The following TUFT1 variants were observed in gnomAD, a reference collection of about 807,000 sequenced individuals.
TUFT1 encodes the protein tuftelin.
In TUFT1, 43 loss-of-function variants were observed where a neutral mutation model predicts 57.8. That is an observed-to-expected ratio of 0.74 (90% CI 0.58 to 0.96). The LOEUF (loss-of-function observed/expected upper bound fraction) is 0.96. TUFT1 is among the 40% of genes least tolerant of loss of function. The pLI, the probability that TUFT1 is intolerant of heterozygous loss-of-function variation, is 0.00. For missense variants in TUFT1, 459 were observed against 489.0 expected, an observed-to-expected ratio of 0.94 and a Z score of 0.58; for synonymous variants, 166 against 176.7, an observed-to-expected ratio of 0.94 and a Z score of 0.48.
chr1:151,566,866 T>C (rs1488584103), intron 6 of TUFT1, among the ~76,000 whole-genome samples: 1 of 152,208 alleles, frequency 6.6e-6, no homozygotes, highest in African/African-American at 2.4e-5. Flanking sequence ...CCTCATTCTT[T>C]TGAATAACTA....
chr1:151,561,797 G>A (rs1665903759), intron 1 of TUFT1: 13 of 1,402,416 alleles, frequency 9.3e-6, no homozygotes, highest in Non-Finnish European at 1.2e-5. Flanking sequence ...CATGCAATGT[G>A]TTCCCTGTAG....
At chr1:151,551,648 G>A (rs970771773) in intron 1 of TUFT1, among the ~76,000 whole-genome samples, 1 of 152,182 alleles carries the variant, frequency 6.6e-6, no homozygotes, top group Non-Finnish European at 1.5e-5. Context: ...AGCACGTATT[G>A]CACTGGAAGA....
chr1:151,551,750 G>T (rs1187562389), intron 1 of TUFT1, among the ~76,000 whole-genome samples: 1 of 152,164 alleles, frequency 6.6e-6, no homozygotes, highest in Non-Finnish European at 1.5e-5. Flanking sequence ...TTGGGGTACT[G>T]GAGGGAGTCA....
intron 10 of TUFT1, among the ~76,000 whole-genome samples, chr1:151,579,199 A>G (rs967164306): frequency 6.6e-6 from 1 of 152,170 alleles, no homozygotes; most frequent in African/African-American, 2.4e-5. Flanking sequence ...TGAGGGTAGC[A>G]TACTTAGGAT....
chr1:151,551,431 A>C (rs1425298129), intron 1 of TUFT1, among the ~76,000 whole-genome samples: 3 of 152,148 alleles, frequency 2.0e-5, no homozygotes, highest in Admixed American at 1.3e-4. Flanking sequence ...GAGATGAATG[A>C]ATTGTTACAA....
intron 5 of TUFT1, chr1:151,565,891 C>T (rs1334759168): frequency 5.8e-6 from 2 of 347,254 alleles, no homozygotes; most frequent in South Asian, 3.2e-5. Flanking sequence ...TTCAAGGCCG[C>T]ATAACATCTC....
intron 6 of TUFT1, 21 bp downstream of exon 6, chr1:151,566,249 T>C (rs1262902918): frequency 6.2e-6 from 10 of 1,604,048 alleles, no homozygotes; most frequent in Non-Finnish European, 7.7e-6. Flanking sequence ...GAGGACACCA[T>C]GGTGGCTCCG....
At chr1:151,580,503 A>T (rs1666612200) in intron 11 of TUFT1, among the ~76,000 whole-genome samples, 1 of 151,798 alleles carries the variant, frequency 6.6e-6, no homozygotes, top group African/African-American at 2.4e-5. Flanking sequence ...AAAAAGAAAA[A>T]ATTTTTTTAA....
At position 151,562,590 on chromosome 1, in the gene TUFT1, C is replaced by T. The variant is rs1215729561; in HGVS notation, c.141C>T (p.Gly47=). 6 of 1,611,908 alleles carry T rather than the reference C, an allele frequency of 3.7e-6. No homozygotes were observed. The highest frequency in any genetic ancestry group is 5.1e-6 in the Non-Finnish European group (6 of 1,179,828). ...TCTCATCTCTCTTTGGCCAGGCGGG[C>T]AGGAAGACCTATGCCATGGTGTCCA... ...DELEHIAQKA[G]RKTYAMVSSH... The change falls in exon 3 of 13, where the codon GGC becomes GGT. Residue 47 remains glycine, a synonymous_variant. Transcript: ENST00000368849.
At position 151,578,831 on chromosome 1, in the gene TUFT1, G is replaced by T. The variant is rs779139810; in HGVS notation, c.924+5G>T. On this transcript the variant is annotated splice_donor_5th_base_variant and intron_variant, in intron 10 of 12. Transcript: ENST00000368849. ...GTCCGGCAAATGATAGAGCAGGTAA[G>T]TTGGGCTGGTTTGTAACCTGCCCTC... The T allele has an allele frequency of 1.0e-5, 16 of 1,556,010 alleles. No individual in the cohort carries two copies. Among genetic ancestry groups the T allele is most frequent in the African/African-American group, 1.4e-5 (1 of 73,502 alleles).
intron 2 of TUFT1, 29 bp from the exon 3 acceptor site, chr1:151,562,556 C>CTG: frequency 1.9e-6 from 3 of 1,562,310 alleles, no homozygotes; most frequent in African/African-American, 1.4e-5. Context: ...CTCTCTCTCT[C>CTG]TCTCTCTCTC....
chr1:151,541,857 G>A (rs1021365198), intron 1 of TUFT1, among the ~76,000 whole-genome samples: 3 of 152,186 alleles, frequency 2.0e-5, no homozygotes, highest in Admixed American at 6.5e-5. Flanking sequence ...TTGTTTTTAA[G>A]CGACGAGTGT....
At chr1:151,562,291 C>T (rs886123684) in intron 2 of TUFT1, 126 bp downstream of exon 2, 5 of 826,846 alleles carry the variant, frequency 6.0e-6, no homozygotes, top group Middle Eastern at 3.6e-4. Context: ...CTCCTTTCAG[C>T]AACATCCAGC....
Position 151,546,901 on chromosome 1 carries a change from G to A in TUFT1, c.60+6475G>A, listed in dbSNP as rs1164008105. 2.6e-5 allele frequency among the ~76,000 whole-genome samples: 4 copies of A among 152,152 alleles called. No homozygotes were observed. The East Asian group carries it at 7.7e-4, about 29-fold the overall frequency. On this transcript the variant is annotated intron_variant, in intron 1 of 12. Transcript: ENST00000368849. ...CTTGGAGAGGAATACCTAGGAGTGG[G>A]ATTGCTGGGTCAGAATATTTGCATT...
chr1:151,581,615 C>A, intron 12 of TUFT1, 29 bp from the exon 13 acceptor site: 2 of 1,612,524 alleles, frequency 1.2e-6, no homozygotes, highest in Non-Finnish European at 1.7e-6. Flanking sequence ...GTTCCCAGCA[C>A]AACTCAGTGT....
intron 7 of TUFT1, among the ~76,000 whole-genome samples, chr1:151,572,949 G>A (rs143767920): frequency 8.3e-4 from 126 of 152,306 alleles, no homozygotes; most frequent in Admixed American, 1.3e-3. Flanking sequence ...TAAATGATGA[G>A]CAGTCAGTGT....
chr1:151,572,582 G>A (rs1055094596), intron 7 of TUFT1, among the ~76,000 whole-genome samples: 1 of 152,122 alleles, frequency 6.6e-6, no homozygotes, highest in Admixed American at 6.5e-5. Flanking sequence ...AGGTTAATAT[G>A]GGTCATATGA....
chr1:151,581,849 TC>T lies in TUFT1; in HGVS notation c.*145del, dbSNP rs1400716903. ...ACTTCGGGCTCCTGTGTCTCACCAT[TC>T]CCAAGCCCCTGGCCACTCTAAGCTG... On this transcript the variant is annotated 3_prime_UTR_variant, in exon 13 of 13. Transcript: ENST00000368849. 2 of 834,866 alleles carry T rather than the reference TC, an allele frequency of 2.4e-6. No homozygotes were observed. The highest frequency in any genetic ancestry group is 3.9e-6 in the Non-Finnish European group (2 of 508,772). The allele number at this position is 834,866 out of a possible 1,614,324, so 51.7% of individuals were successfully genotyped here.
rs11432264 is a variant in TUFT1, at chr1:151,542,390, AT to A, written c.60+1980del. The stretch of plus-strand genomic sequence containing the variant: ...GCACATGCCACCACACCTGACTAAA[AT>A]TTTTTTTTTTTTTTTCTGTTGGTAG... On this transcript the variant is annotated intron_variant, in intron 1 of 12. Transcript: ENST00000368849. 9.4e-3 allele frequency among the ~76,000 whole-genome samples: 1,308 copies of A among 139,066 alleles called. 9 individuals carry two copies. Among genetic ancestry groups the A allele is most frequent in the African/African-American group, 0.025 (943 of 37,598 alleles). The allele number at this position is 139,066 out of a possible 152,430, so 91.2% of individuals were successfully genotyped here. A position where few individuals can be genotyped will look rare whatever the true frequency, so the allele number is the denominator to read the frequency against.
Sources: gnomAD v4.1 joint callset for allele counts (sites outside exome capture counted in the v4.1 genomes callset) on GRCh38, gnomAD v4.1.1 for gene constraint, MANE v1.5 for transcripts, NCBI Gene and HGNC (gene_info 2026-07-23, HGNC 2026-07-21) for gene names.